The following MRTFB variants were observed in gnomAD, a reference collection of about 807,000 sequenced individuals.
The protein encoded by MRTFB is myocardin-related transcription factor B.
Under a neutral mutation model 104.2 loss-of-function variants are expected in MRTFB, and 29 were observed. That is an observed-to-expected ratio of 0.28 (90% CI 0.21 to 0.38). The LOEUF (loss-of-function observed/expected upper bound fraction) is 0.38, where lower values mean the gene tolerates loss of function less well. MRTFB is among the 10% of genes least tolerant of loss of function. MRTFB has a pLI of 1.00. For missense variants in MRTFB, 1,270 were observed against 1,341.6 expected (o/e 0.95, Z 0.83); for synonymous variants, 535 against 519.5 (o/e 1.03, Z -0.41).
At chr16:14,233,719 G>A (rs1489958489) in intron 8 of MRTFB, among the ~76,000 whole-genome samples, 2 of 149,476 alleles carry the variant, frequency 1.3e-5, no homozygotes, top group Admixed American at 6.7e-5. Context: ...GAACCCAGGA[G>A]GCAGAGGTTG....
chr16:14,247,025 G>C lies in MRTFB; in HGVS notation c.1765G>C (p.Glu589Gln). Reference sequence around the variant, plus strand: ...AATCGAAGAGCTGAAGAGGAAACTGGAACAAGAGCAGAAGCTCGTGGAAGT... The same window carrying C: ...AATCGAAGAGCTGAAGAGGAAACTGCAACAAGAGCAGAAGCTCGTGGAAGT... ...KQIEELKRKL[E>Q]QEQKLVEVLK... Residue 589 changes from glutamate to glutamine, a missense_variant, in exon 12 of 17, where the codon GAA (glutamate) becomes CAA (glutamine). This residue lies in a region of MRTFB where 1,144 missense variants were observed against 1,131.5 expected (regional missense o/e 1.01). Coordinates refer to ENST00000571589, the MANE Select transcript of MRTFB (RefSeq NM_001308142.2). 1 of 1,614,176 alleles carries C rather than the reference G, an allele frequency of 6.2e-7. No homozygotes were observed.
In MRTFB at chr16:14,247,270, G is replaced by A. The variant is rs754469499; in HGVS notation, c.2010G>A (p.Gln670=). 6.2e-7 allele frequency: 1 copy of A among 1,614,230 alleles called. No homozygotes were observed. Among genetic ancestry groups the A allele is most frequent in the Admixed American group, 1.7e-5 (1 of 60,028 alleles). Residue 670 remains glutamine (Q), a synonymous_variant, in exon 12 of 17, where the codon CAG becomes CAA. Transcript: ENST00000571589. Reference sequence around the variant, plus strand: ...GCCAGCCCGTCTCTACAGGTGGCCAGACCCTTGTTGCCAAAAAGGCTGTAG... The same window carrying A: ...GCCAGCCCGTCTCTACAGGTGGCCAAACCCTTGTTGCCAAAAAGGCTGTAG... ...AVGQPVSTGG[Q]TLVAKKAVVI...
At chr16:14,181,360 A>C (rs776662425) in intron 3 of MRTFB, among the ~76,000 whole-genome samples, 4 of 152,220 alleles carry the variant, frequency 2.6e-5, no homozygotes, top group Non-Finnish European at 5.9e-5. Context: ...AAAAAAATTT[A>C]CGTGTACCCT....
At chr16:14,099,426 A>C (rs1596818867) in intron 2 of MRTFB, among the ~76,000 whole-genome samples, 1 of 147,494 alleles carries the variant, frequency 6.8e-6, no homozygotes, top group African/African-American at 2.6e-5. Flanking sequence ...CCCAGGCTGG[A>C]GTGCAGTGGT....
intron 10 of MRTFB, among the ~76,000 whole-genome samples, chr16:14,242,005 A>G (rs1237299877): frequency 1.4e-5 from 2 of 140,796 alleles, no homozygotes; most frequent in South Asian, 2.3e-4. Flanking sequence ...AATAATAATA[A>G]TAATAATGGT....
At chr16:14,245,387 T>C (rs1179276559) in intron 10 of MRTFB, 141 bp from the exon 11 acceptor site, 1 of 661,986 alleles carries the variant, frequency 1.5e-6, no homozygotes. Context: ...TCTAATGTAA[T>C]TGGCATCTTT....
chr16:14,247,451 A>G lies in MRTFB; in HGVS notation c.2191A>G (p.Ile731Val), dbSNP rs759489778. The G allele has an allele frequency of 1.6e-4, 261 of 1,600,242 alleles. 3 individuals carry two copies. The Middle Eastern group carries it at 1.8e-3, about 11-fold the overall frequency. ...QTAQLLLPVS[I>V]QGSSVTSVQL... ...TGCTCAGCTGCTGCTCCCAGTGTCCATCCAGGGCTCGAGTGTCACCTCAGT... is the reference window on the plus strand; with the variant it reads ...TGCTCAGCTGCTGCTCCCAGTGTCCGTCCAGGGCTCGAGTGTCACCTCAGT... Residue 731 changes from isoleucine to valine, a missense_variant, in exon 12 of 17, where the codon ATC becomes GTC. Physicochemically the swap from Ile to Val is conservative, Grantham distance 29. This residue lies in a region of MRTFB where 1,144 missense variants were observed against 1,131.5 expected (regional missense o/e 1.01). Coordinates refer to ENST00000571589, the MANE Select transcript of MRTFB (RefSeq NM_001308142.2).
At chr16:14,046,469 G>C in the MRTFB span, among the ~76,000 whole-genome samples, 1 of 152,090 alleles carries the variant, frequency 6.6e-6, no homozygotes, top group Admixed American at 6.5e-5. Context: ...TTGGACACCA[G>C]TTGCAATGCA....
At chr16:14,234,364 A>G (rs1003744680) in intron 9 of MRTFB, 81 bp downstream of exon 9, 9 of 1,486,462 alleles carry the variant, frequency 6.1e-6, no homozygotes, top group Non-Finnish European at 8.2e-6. Flanking sequence ...AGACAAAGGC[A>G]TTTATCCAAC....
intron 3 of MRTFB, among the ~76,000 whole-genome samples, chr16:14,190,089 C>T (rs1459061561): frequency 6.6e-6 from 1 of 152,174 alleles, no homozygotes; most frequent in Non-Finnish European, 1.5e-5. Context: ...TAAAGCATAT[C>T]ATCTCACAGC....
At chr16:14,036,296 T>TATATATATATATATATATATA in the MRTFB span, among the ~76,000 whole-genome samples, 2 of 98,308 alleles carry the variant, frequency 2.0e-5, no homozygotes, top group East Asian at 3.2e-4. Flanking sequence ...TTATATATAT[T>TATATATATATATATATATATA]TATATATATA....
chr16:14,097,199 T>C (rs2035425847), intron 2 of MRTFB, among the ~76,000 whole-genome samples: 1 of 152,206 alleles, frequency 6.6e-6, no homozygotes, highest in East Asian at 1.9e-4. Context: ...CTTACAACAA[T>C]GCCAGACATA....
intron 10 of MRTFB, chr16:14,241,089 A>T: frequency 2.8e-6 from 1 of 360,328 alleles, no homozygotes; most frequent in Non-Finnish European, 4.9e-6. Flanking sequence ...AGGGGACTTG[A>T]AGCTGGGCAG....
In MRTFB at chr16:14,245,649, G is replaced by A. The variant is rs1202015109; in HGVS notation, c.1201G>A (p.Asp401Asn). The A allele has an allele frequency of 1.2e-6, 2 of 1,611,916 alleles. No individual in the cohort carries two copies. Among genetic ancestry groups the A allele is most frequent in the East Asian group, 2.2e-5 (1 of 44,848 alleles). ...GCCAGGACCTCTGCCTTCTAGCCTG[G>A]ATGACTTAAAGGTGACAATTGCAAC... Reference protein sequence around the residue: ...RKPGPLPSSLDDLKVSELKTE... With the variant: ...RKPGPLPSSLNDLKVSELKTE... Residue 401 changes from aspartate (D) to asparagine (N), a missense_variant, in exon 11 of 17, where the codon GAT (aspartate) becomes AAT (asparagine). By Grantham distance (23) the Asp-to-Asn change is conservative (BLOSUM62 1). Coordinates refer to ENST00000571589, the MANE Select transcript of MRTFB (RefSeq NM_001308142.2).
Position 14,177,903 on chromosome 16 carries a change from G to GGTGTGTGTGTGTGTGT in MRTFB, c.155-32322_155-32307dup, listed in dbSNP as rs142062484. ...CGAGAAGTACATGAACCAGAGGTAGGGTGTGTGTGTGTGTGTGTGTGTGTG... is the reference window on the plus strand; with the variant it reads ...CGAGAAGTACATGAACCAGAGGTAGGGTGTGTGTGTGTGTGTGTGTGTGTGTGTGTGTGTGTGTGTG... On this transcript the variant is annotated intron_variant, in intron 3 of 16. Transcript: ENST00000571589. The surrounding 1 kb of genome is among the most constrained non-coding windows in gnomAD (Gnocchi z 4.7). 2.1e-5 allele frequency among the ~76,000 whole-genome samples: 3 copies of GGTGTGTGTGTGTGTGT among 146,072 alleles called. No homozygotes were observed. Among genetic ancestry groups the GGTGTGTGTGTGTGTGT allele is most frequent in the Middle Eastern group, 3.5e-3 (1 of 284 alleles).
At chr16:14,121,243 C>T (rs1235956028) in intron 2 of MRTFB, among the ~76,000 whole-genome samples, 1 of 148,004 alleles carries the variant, frequency 6.8e-6, no homozygotes. Flanking sequence ...TTATTTTTTC[C>T]CCTTTCTACT....
intron 3 of MRTFB, among the ~76,000 whole-genome samples, chr16:14,188,382 G>C (rs146609402): frequency 6.6e-6 from 1 of 151,986 alleles, no homozygotes; most frequent in South Asian, 2.1e-4. Flanking sequence ...ACATTTTTGC[G>C]TACTTGAGAA....
chr16:14,042,379 C>G, the MRTFB span, among the ~76,000 whole-genome samples: 2 of 152,284 alleles, frequency 1.3e-5, no homozygotes, highest in African/African-American at 2.4e-5. Flanking sequence ...CCACCTGGGC[C>G]TCCTAAAGTG....
At chr16:14,046,696 T>C in the MRTFB span, among the ~76,000 whole-genome samples, 1 of 152,226 alleles carries the variant, frequency 6.6e-6, no homozygotes, top group African/African-American at 2.4e-5. Context: ...TCATGTTTCT[T>C]AATCAATAGC....
Sources: gnomAD v4.1 joint callset for allele counts (sites outside exome capture counted in the v4.1 genomes callset) on GRCh38, gnomAD v4.1.1 for gene constraint, gnomAD v4.1.1 regional missense constraint, Gnocchi (gnomAD v3.1) non-coding constraint, MANE v1.5 for transcripts, NCBI Gene and HGNC (gene_info 2026-07-23, HGNC 2026-07-21) for gene names.